The following ADGRE1 variants were observed in gnomAD, a reference collection of about 807,000 sequenced individuals.
ADGRE1 encodes the protein adhesion G protein-coupled receptor E1.
Under a neutral mutation model 102.7 loss-of-function variants are expected in ADGRE1, and 82 were observed. That is an observed-to-expected ratio of 0.80 (90% CI 0.67 to 0.96). ADGRE1 has a LOEUF of 0.96. Ranked by LOEUF, ADGRE1 falls within the 40% of genes least tolerant of loss-of-function variation. ADGRE1 has a pLI of 0.00. For synonymous variants in ADGRE1, 398 were observed against 399.6 expected (o/e 1.00, Z 0.05); for missense variants, 1,032 against 1,085.3 (o/e 0.95, Z 0.69).
intron 14 of ADGRE1, among the ~76,000 whole-genome samples, chr19:6,923,576 G>T (rs2144989963): frequency 6.6e-6 from 1 of 152,110 alleles, no homozygotes. Context: ...TGTTGCCCAG[G>T]CTGGAGTGCA....
At chr19:6,891,599 G>T (rs1042929168) in intron 2 of ADGRE1, among the ~76,000 whole-genome samples, 1 of 151,800 alleles carries the variant, frequency 6.6e-6, no homozygotes, top group African/African-American at 2.4e-5. Context: ...GACTACAGGC[G>T]CCCGCCACCA....
rs375041557 is a variant in ADGRE1 at position 6,893,494 on chromosome 19, C to T, written c.95-2904C>T. On this transcript the variant is annotated intron_variant, in intron 2 of 20. Transcript: ENST00000312053. ...GGGATTACAGGCGTGAGCCATCACGCCTGCCCGATTTCATTATTTCTTATG... is the reference window on the plus strand; with the variant it reads ...GGGATTACAGGCGTGAGCCATCACGTCTGCCCGATTTCATTATTTCTTATG... 1.8e-3 allele frequency among the ~76,000 whole-genome samples: 273 copies of T among 152,318 alleles called. 2 individuals carry two copies. Among genetic ancestry groups the T allele is most frequent in the African/African-American group, 5.2e-3 (215 of 41,570 alleles).
chr19:6,903,889 C>A lies in ADGRE1; in HGVS notation c.741C>A (p.His247Gln), dbSNP rs372817446. 1 of 1,614,210 alleles carries A rather than the reference C, an allele frequency of 6.2e-7. No homozygotes were observed. Among genetic ancestry groups the A allele is most frequent in the African/African-American group, 1.3e-5 (1 of 75,058 alleles). The change falls in exon 7 of 21, where the codon CAC becomes CAA. Residue 247 changes from histidine to glutamine, a missense_variant. Coordinates refer to ENST00000312053, the MANE Select transcript of ADGRE1 (RefSeq NM_001974.5). ...CTGGGAGCTACTTTTGCACCTGCCA[C>A]CCTGGCTTTGCACCAAGCAATGGAC... is the stretch of plus-strand genomic sequence containing the variant. ...NTPGSYFCTC[H>Q]PGFAPSNGQL...
chr19:6,912,620 T>TAAA (rs1040450911), intron 10 of ADGRE1, among the ~76,000 whole-genome samples: 1 of 152,218 alleles, frequency 6.6e-6, no homozygotes, highest in African/African-American at 2.4e-5. Flanking sequence ...TAATTTGCTT[T>TAAA]AGTGAACAGT....
At chr19:6,887,783 G>A (rs1973204975) in intron 1 of ADGRE1, 144 bp downstream of exon 1, 1 of 867,468 alleles carries the variant, frequency 1.2e-6, no homozygotes, top group Non-Finnish European at 1.8e-6. Flanking sequence ...GGGAACCTTT[G>A]ACAAAATTCC....
intron 1 of ADGRE1, 60 bp from the exon 2 acceptor site, chr19:6,890,421 G>GC: frequency 4.4e-6 from 2 of 450,562 alleles, no homozygotes; most frequent in Non-Finnish European, 6.6e-6. Context: ...AGCCCAAAAG[G>GC]TTTTTTTTTT....
chr19:6,892,045 G>A (rs1163256477), intron 2 of ADGRE1, among the ~76,000 whole-genome samples: 3 of 152,118 alleles, frequency 2.0e-5, no homozygotes, highest in African/African-American at 7.2e-5. Flanking sequence ...GACCTTGGTG[G>A]GTTTCAGTTG....
At chr19:6,897,789 A>G (rs979681989) in intron 5 of ADGRE1, 9 of 274,230 alleles carry the variant, frequency 3.3e-5, no homozygotes, top group African/African-American at 8.9e-5. Flanking sequence ...AAAATTTTTT[A>G]TCTGGTTTAA....
At chr19:6,908,841 G>C in intron 10 of ADGRE1, 69 bp downstream of exon 10, 1 of 1,475,590 alleles carries the variant, frequency 6.8e-7, no homozygotes, top group Non-Finnish European at 9.3e-7. Context: ...GGTGCAGAAA[G>C]ATGTCTTTAT....
intron 17 of ADGRE1, 195 bp downstream of exon 17, chr19:6,928,406 A>G (rs1327444182): frequency 3.0e-6 from 4 of 1,354,230 alleles, no homozygotes; most frequent in Non-Finnish European, 3.9e-6. Context: ...CGGGTGGATC[A>G]CCTGAGGTCA....
chr19:6,917,060 G>C (rs1974415940), intron 12 of ADGRE1, among the ~76,000 whole-genome samples: 1 of 152,094 alleles, frequency 6.6e-6, no homozygotes, highest in Non-Finnish European at 1.5e-5. Context: ...AATTAATACA[G>C]CCTCTATCAC....
Position 6,911,385 on chromosome 19 carries a change from G to GTTTTTTTTTTTTTTTT in ADGRE1, c.1123-2263_1123-2248dup, listed in dbSNP as rs772959056. Among the ~76,000 whole-genome samples, 21 of 79,852 alleles carry GTTTTTTTTTTTTTTTT rather than the reference G, an allele frequency of 2.6e-4. 1 individual carries two copies. Among genetic ancestry groups the GTTTTTTTTTTTTTTTT allele is most frequent in the Non-Finnish European group, 4.4e-4 (19 of 42,810 alleles). 52.4% of individuals were successfully genotyped at this position (79,852 alleles called of 152,430 possible). On this transcript the variant is annotated intron_variant, in intron 10 of 20. Transcript: ENST00000312053. ...TTTATTAGGTTCTGGATTCCTTTTAGTTTTTTTTTTTTTTTTTTTTGCTTG... is the reference window on the plus strand; with the variant it reads ...TTTATTAGGTTCTGGATTCCTTTTAGTTTTTTTTTTTTTTTTTTTTTTTTTTTTTTTTTTTTGCTTG...
At chr19:6,893,225 T>G (rs549030054) in intron 2 of ADGRE1, among the ~76,000 whole-genome samples, 257 of 152,230 alleles carry the variant, frequency 1.7e-3, no homozygotes, top group African/African-American at 6.1e-3. Flanking sequence ...GAGACGGAGT[T>G]TTGCTCTTGT....
In ADGRE1 at chr19:6,935,095, CCTCCCCCCCTCTTT is replaced by C; in HGVS notation, c.2381+18_2381+31del. The stretch of plus-strand genomic sequence containing the variant: ...AGACACCAGGTAAAGCCCTCTTTCA[CCTCCCCCCCTCTTT>C]TAATTTCCTCTTTCTTCTTCCCAGA... On this transcript the variant is annotated intron_variant, in intron 18 of 20. Coordinates refer to ENST00000312053, the MANE Select transcript of ADGRE1 (RefSeq NM_001974.5). 6.8e-7 allele frequency: 1 copy of C among 1,479,752 alleles called. No individual in the cohort carries two copies. The allele number at this position is 1,479,752 out of a possible 1,614,324, so 91.7% of individuals were successfully genotyped here. A position where few individuals can be genotyped will look rare whatever the true frequency, so the allele number is the denominator to read the frequency against.
chr19:6,937,748 A>G (rs1853927751), intron 20 of ADGRE1, 100 bp downstream of exon 20: 3 of 1,057,502 alleles, frequency 2.8e-6, no homozygotes, highest in African/African-American at 1.6e-5. Context: ...ATGGGAGCTG[A>G]GGGTGCCCAC....
At chr19:6,932,287 T>A (rs1975188828) in intron 17 of ADGRE1, among the ~76,000 whole-genome samples, 1 of 151,840 alleles carries the variant, frequency 6.6e-6, no homozygotes, top group Admixed American at 6.6e-5. Context: ...GCTAACATGG[T>A]GAAACCCCGT....
At chr19:6,902,422 GT>G (rs992162807) in intron 6 of ADGRE1, among the ~76,000 whole-genome samples, 3 of 151,664 alleles carry the variant, frequency 2.0e-5, no homozygotes, top group Non-Finnish European at 4.4e-5. Context: ...TTTGTTTTTT[GT>G]TTTTTTGGGG....
At chr19:6,926,624 C>T (rs1330670938) in intron 16 of ADGRE1, 23 bp downstream of exon 16, 10 of 1,610,742 alleles carry the variant, frequency 6.2e-6, no homozygotes, top group Non-Finnish European at 8.5e-6. Context: ...CTCTCTCTTC[C>T]TGAAGACCCT....
At position 6,921,778 on chromosome 19, in the gene ADGRE1, G is replaced by A; in HGVS notation, c.1686G>A (p.Trp562Ter). Reference protein sequence around the residue: ...SWSTDVKGGRWTSFGCVILEA... With the variant: ...SWSTDVKGGR ...GCACTGATGTGAAGGGTGGAAGATG[G>A]ACATCCTTTGGCTGTGTGATCCTGG... The change falls in exon 14 of 21, where the codon TGG (tryptophan) becomes TGA (stop). Residue 562 changes from tryptophan to a stop codon, truncating the protein, a stop_gained. Coordinates refer to ENST00000312053, the MANE Select transcript of ADGRE1 (RefSeq NM_001974.5). LOFTEE classifies it high-confidence loss of function. 1.2e-6 allele frequency: 2 copies of A among 1,614,108 alleles called. No homozygotes were observed. The highest frequency in any genetic ancestry group is 1.7e-6 in the Non-Finnish European group (2 of 1,180,020).
Sources: gnomAD v4.1 joint callset for allele counts (sites outside exome capture counted in the v4.1 genomes callset) on GRCh38, gnomAD v4.1.1 for gene constraint, MANE v1.5 for transcripts, NCBI Gene and HGNC (gene_info 2026-07-23, HGNC 2026-07-21) for gene names.